NOX1: variants seen among roughly 807,000 people sequenced by gnomAD.
NOX1 encodes the protein NADH/NADPH mitogenic oxidase subunit P65-MOX.
Under a neutral mutation model 42.5 loss-of-function variants are expected in NOX1, and 34 were observed. That is an observed-to-expected ratio of 0.80 (90% CI 0.61 to 1.07). The LOEUF (loss-of-function observed/expected upper bound fraction) is 1.07. Ranked by LOEUF, NOX1 falls within the 50% of genes least tolerant of loss-of-function variation. The probability of loss-of-function intolerance (pLI) is 0.00; values close to 1 mark genes in which losing one functional copy is unlikely to be tolerated. For missense variants in NOX1, 408 were observed against 427.0 expected (o/e 0.96, Z 0.39); for synonymous variants, 143 against 152.5 (o/e 0.94, Z 0.46).
chrX:100,862,502 G>A lies in NOX1; in HGVS notation c.561C>T (p.Leu187=), dbSNP rs916012570. ...TGVIMTIALI[L]MVTSATEFIR... ...TGAACTCAGTAGCTGAAGTTACCAT[G>A]AGAATCAAGGCTATTGTCATGATCA... is the stretch of plus-strand genomic sequence containing the variant. The change falls in exon 6 of 13, where the codon CTC becomes CTT. Residue 187 remains leucine, a synonymous_variant. Coordinates refer to ENST00000372966, the MANE Select transcript of NOX1 (RefSeq NM_007052.5). 37 of 1,208,307 alleles carry A rather than the reference G, an allele frequency of 3.1e-5. No individual in the cohort carries two copies. The highest frequency in any genetic ancestry group is 4.1e-5 in the Non-Finnish European group (37 of 893,654).
intron 2 of NOX1, among the ~76,000 whole-genome samples, chrX:100,869,599 A>G (rs1342243538): frequency 5.5e-5 from 6 of 108,783 alleles, no homozygotes; most frequent in African/African-American, 1.0e-4. Context: ...CAATCATGTC[A>G]TCTGCAAACA....
chrX:100,850,510 T>A (rs770362380), intron 8 of NOX1, 124 bp from the exon 9 acceptor site: 4 of 461,340 alleles, frequency 8.7e-6, no homozygotes, highest in Non-Finnish European at 1.1e-5. Context: ...AAGTCCTCTC[T>A]AAAGAGGGCA....
At chrX:100,863,288 T>A in intron 3 of NOX1, 45 bp from the exon 4 acceptor site, 3 of 1,067,432 alleles carry the variant, frequency 2.8e-6, no homozygotes, top group Non-Finnish European at 3.9e-6. Flanking sequence ...CAGCCAGCTT[T>A]ATTAAATTCA....
intron 12 of NOX1, among the ~76,000 whole-genome samples, chrX:100,846,980 G>A (rs1288745291): frequency 9.0e-6 from 1 of 111,634 alleles, no homozygotes; most frequent in Non-Finnish European, 1.9e-5. Flanking sequence ...CTGAGGTCAG[G>A]AGTTCGAGAC....
intron 2 of NOX1, among the ~76,000 whole-genome samples, chrX:100,865,073 A>G (rs1184311046): frequency 8.9e-6 from 1 of 112,492 alleles, no homozygotes; most frequent in East Asian, 2.8e-4. Context: ...ATGGCTAAGA[A>G]TGTCAGGCAA....
intron 1 of NOX1, among the ~76,000 whole-genome samples, chrX:100,872,466 A>G: frequency 8.9e-6 from 1 of 111,764 alleles, no homozygotes. Context: ...AAGACCTGGG[A>G]GGAAGGAGGA....
intron 7 of NOX1, among the ~76,000 whole-genome samples, chrX:100,852,990 G>T (rs7886440): frequency 0.1 from 11,475 of 111,669 alleles, 1,432 homozygotes; most frequent in African/African-American, 0.36. Flanking sequence ...GCATTTCACA[G>T]GGGTGAAAAT....
chrX:100,867,400 C>T (rs1341631413), intron 2 of NOX1, among the ~76,000 whole-genome samples: 1 of 112,366 alleles, frequency 8.9e-6, no homozygotes, highest in Non-Finnish European at 1.9e-5. Flanking sequence ...CAAATTGTTC[C>T]CTGTATTTTC....
chrX:100,844,547 C>G (rs1219999761), intron 12 of NOX1, among the ~76,000 whole-genome samples: 4 of 111,960 alleles, frequency 3.6e-5, no homozygotes, highest in Admixed American at 9.5e-5. Context: ...ATTTTCCTGC[C>G]TCAGCCTCCT....
chrX:100,863,010 T>G, intron 4 of NOX1, 149 bp downstream of exon 4: 1 of 607,658 alleles, frequency 1.6e-6, no homozygotes, highest in Non-Finnish European at 2.7e-6. Context: ...GGAATAGAAC[T>G]TAAGCTCCAT....
chrX:100,851,198 C>T, intron 8 of NOX1, 35 bp downstream of exon 8: 1 of 896,908 alleles, frequency 1.1e-6, no homozygotes, highest in Middle Eastern at 2.7e-4. Flanking sequence ...GAAGATAACT[C>T]TTATCACAGC....
chrX:100,855,608 G>T, intron 7 of NOX1: 3 of 1,009,167 alleles, frequency 3.0e-6, no homozygotes, highest in Non-Finnish European at 2.8e-6. Context: ...CACTTCCATA[G>T]CCTCTGCTTC....
In NOX1 at chrX:100,870,802, C is replaced by G; in HGVS notation, c.58G>C (p.Gly20Arg). ...FSVLFLVVWL[G>R]LNVFLFVDAF... ...TCCACAAACAGGAAAACATTCAGCCCTAACCAAACAACCTAGAGAAAGAAA... is the reference window on the plus strand; with the variant it reads ...TCCACAAACAGGAAAACATTCAGCCGTAACCAAACAACCTAGAGAAAGAAA... Residue 20 changes from glycine (G) to arginine (R), a missense_variant, in exon 2 of 13, where the codon GGG (glycine) becomes CGG (arginine). Transcript: ENST00000372966. 1 of 1,167,580 alleles carries G rather than the reference C, an allele frequency of 8.6e-7. No individual in the cohort carries two copies. Among genetic ancestry groups the G allele is most frequent in the Non-Finnish European group, 1.2e-6 (1 of 862,868 alleles).
chrX:100,844,534 G>A (rs1486385895), intron 12 of NOX1, among the ~76,000 whole-genome samples: 3 of 111,916 alleles, frequency 2.7e-5, no homozygotes, highest in Non-Finnish European at 5.6e-5. Context: ...CCAGGTTCAA[G>A]CAATTTTCCT....
chrX:100,863,372 A>G (rs2147917047), intron 3 of NOX1, 113 bp downstream of exon 3: 1 of 974,013 alleles, frequency 1.0e-6, no homozygotes, highest in Non-Finnish European at 1.5e-6. Context: ...CTTAGCTACC[A>G]AAGGAGACTT....
intron 7 of NOX1, among the ~76,000 whole-genome samples, chrX:100,853,308 TTCTTTCTTTCTTTCTCTCTCTTTC>T (rs2085136844): frequency 4.8e-5 from 4 of 83,289 alleles, no homozygotes; most frequent in African/African-American, 1.0e-4. Context: ...CTTTCTTTCT[TTCTTTCTTTCTTTCTCTCTCTTTC>T]TCTTTCTTTC....
At chrX:100,872,765 C>T (rs2085283282) in intron 1 of NOX1, among the ~76,000 whole-genome samples, 1 of 109,737 alleles carries the variant, frequency 9.1e-6, no homozygotes, top group African/African-American at 3.3e-5. Context: ...CTGCCCAATT[C>T]CCCCCACCTA....
At chrX:100,853,620 G>A (rs1265093202) in intron 7 of NOX1, among the ~76,000 whole-genome samples, 1 of 101,675 alleles carries the variant, frequency 9.8e-6, no homozygotes, top group Admixed American at 1.1e-4. Flanking sequence ...AGGCTGGTCT[G>A]GAACTGCTGG....
At chrX:100,871,741 A>G (rs1395993688) in intron 1 of NOX1, among the ~76,000 whole-genome samples, 1 of 111,371 alleles carries the variant, frequency 9.0e-6, no homozygotes, top group African/African-American at 3.3e-5. Flanking sequence ...GGGCGCTAGT[A>G]TATATCCCTC....
Sources: gnomAD v4.1 joint callset for allele counts (sites outside exome capture counted in the v4.1 genomes callset) on GRCh38, gnomAD v4.1.1 for gene constraint, MANE v1.5 for transcripts, NCBI Gene and HGNC (gene_info 2026-07-23, HGNC 2026-07-21) for gene names.